The following GRIK1 variants were observed in gnomAD, a reference collection of about 807,000 sequenced individuals.
The protein encoded by GRIK1 is glutamate ionotropic receptor kainate type subunit 1.
Under a neutral mutation model 105.7 loss-of-function variants are expected in GRIK1, and 69 were observed. The observed-to-expected ratio is 0.65, with a 90% CI of 0.54 to 0.80. The LOEUF (loss-of-function observed/expected upper bound fraction) is 0.80. Among genes scored for constraint, GRIK1 ranks in the 30% least tolerant of loss-of-function variants. The pLI, the probability that GRIK1 is intolerant of heterozygous loss-of-function variation, is 0.00. For synonymous variants in GRIK1, 438 were observed against 431.3 expected, an observed-to-expected ratio of 1.02 and a Z score of -0.19; for missense variants, 1,109 against 1,167.3, an observed-to-expected ratio of 0.95 and a Z score of 0.73.
At chr21:29,894,699 C>G (rs1163468886) in intron 1 of GRIK1, among the ~76,000 whole-genome samples, 1 of 152,182 alleles carries the variant, frequency 6.6e-6, no homozygotes, top group Admixed American at 6.5e-5. Context: ...CACTGCTCAA[C>G]TATGTGCACT....
chr21:29,900,692 G>A (rs1220068278), intron 1 of GRIK1, among the ~76,000 whole-genome samples: 1 of 152,110 alleles, frequency 6.6e-6, no homozygotes, highest in Non-Finnish European at 1.5e-5. Flanking sequence ...AATAATGGGA[G>A]ACTTTAACAC....
At chr21:29,640,573 T>C (rs2062491519) in intron 7 of GRIK1, among the ~76,000 whole-genome samples, 1 of 152,228 alleles carries the variant, frequency 6.6e-6, no homozygotes, top group Admixed American at 6.5e-5. Context: ...CTTCTTATTT[T>C]CAGTGTGGTC....
chr21:29,921,546 A>G (rs1384780143), intron 1 of GRIK1, among the ~76,000 whole-genome samples: 1 of 152,232 alleles, frequency 6.6e-6, no homozygotes, highest in African/African-American at 2.4e-5. Context: ...AATTTCACTC[A>G]GGTTCCCTTC....
chr21:29,618,157 A>G (rs369556787), intron 7 of GRIK1, among the ~76,000 whole-genome samples: 34 of 152,248 alleles, frequency 2.2e-4, no homozygotes, highest in African/African-American at 7.9e-4. Flanking sequence ...CATTCTTCCT[A>G]GGGTTCCCAT....
chr21:29,537,255 G>C lies in GRIK1; in HGVS notation c.2825C>G (p.Thr942Ser). The C allele has an allele frequency of 6.2e-7, 1 of 1,608,766 alleles. No homozygotes were observed. Among genetic ancestry groups the C allele is most frequent in the South Asian group, 1.1e-5 (1 of 90,118 alleles). ...TSILTCHQRR[T>S]QRKETVA The stretch of plus-strand genomic sequence containing the variant: ...TCACGCCACAGTCTCTTTTCTCTGA[G>C]TTCGTCTCTGATGACAAGTAAGGAT... The change falls in exon 18 of 18, where the codon ACT becomes AGT. Residue 942 changes from threonine (T) to serine (S), a missense_variant. Coordinates refer to ENST00000327783, the MANE Select transcript of GRIK1 (RefSeq NM_001330994.2).
At chr21:29,716,281 G>C (rs2064175002) in intron 1 of GRIK1, among the ~76,000 whole-genome samples, 1 of 152,144 alleles carries the variant, frequency 6.6e-6, no homozygotes, top group African/African-American at 2.4e-5. Context: ...AACTTGTACT[G>C]GCACAGTGGG....
At chr21:29,801,753 G>A (rs1601732273) in intron 1 of GRIK1, among the ~76,000 whole-genome samples, 1 of 151,944 alleles carries the variant, frequency 6.6e-6, no homozygotes, top group Admixed American at 6.6e-5. Flanking sequence ...AAAAATTATT[G>A]GTTAAAGAAA....
chr21:29,848,779 A>ATATATATATTTTTTTT, intron 1 of GRIK1, among the ~76,000 whole-genome samples: 4 of 77,884 alleles, frequency 5.1e-5, no homozygotes, highest in Non-Finnish European at 6.7e-5. Flanking sequence ...ATATATATAT[A>ATATATATATTTTTTTT]TTTTTTTTTT....
chr21:29,936,091 T>C (rs1371642290), intron 1 of GRIK1, among the ~76,000 whole-genome samples: 1 of 152,172 alleles, frequency 6.6e-6, no homozygotes, highest in Non-Finnish European at 1.5e-5. Context: ...TAAGACTAAA[T>C]AACCCTCACT....
intron 1 of GRIK1, among the ~76,000 whole-genome samples, chr21:29,818,953 T>C (rs1416290191): frequency 1.3e-5 from 2 of 152,066 alleles, no homozygotes; most frequent in Admixed American, 1.3e-4. Context: ...GTAGAAAAGC[T>C]AGGTCTACTA....
chr21:29,920,085 G>GT (rs969195966), intron 1 of GRIK1, among the ~76,000 whole-genome samples: 2 of 152,020 alleles, frequency 1.3e-5, no homozygotes, highest in Non-Finnish European at 1.5e-5. Context: ...TATTTTGAAT[G>GT]TTTTTTTCCC....
intron 1 of GRIK1, among the ~76,000 whole-genome samples, chr21:29,734,020 A>AT (rs1286293675): frequency 1.3e-5 from 2 of 151,912 alleles, no homozygotes; most frequent in African/African-American, 2.4e-5. Flanking sequence ...GTGTAATTCA[A>AT]TTTTTTCATA....
At chr21:29,880,550 A>G (rs142822685) in intron 1 of GRIK1, among the ~76,000 whole-genome samples, 5 of 152,264 alleles carry the variant, frequency 3.3e-5, no homozygotes, top group East Asian at 3.9e-4. Flanking sequence ...CCAAACACTA[A>G]CTACATCTAA....
chr21:29,591,080 A>C (rs1456956994), intron 10 of GRIK1, 32 bp downstream of exon 10: 1 of 1,157,130 alleles, frequency 8.6e-7, no homozygotes, highest in Non-Finnish European at 1.3e-6. Context: ...GAGCCTGGAT[A>C]AGACACCCTC....
intron 1 of GRIK1, among the ~76,000 whole-genome samples, chr21:29,700,534 C>T (rs897418092): frequency 1.3e-5 from 2 of 152,084 alleles, no homozygotes; most frequent in African/African-American, 4.8e-5. Context: ...ATCAGAATGT[C>T]AAAGGGGTGG....
At chr21:29,638,610 A>G (rs1251066324) in intron 7 of GRIK1, among the ~76,000 whole-genome samples, 1 of 152,230 alleles carries the variant, frequency 6.6e-6, no homozygotes, top group Non-Finnish European at 1.5e-5. Context: ...TATGTCAAAG[A>G]AACATAAATA....
rs547080079 is a variant in GRIK1 at position 29,576,132 on chromosome 21, T to A, written c.2130+832A>T. ...ATTTAGCTTCTGAAGGTTTTGTTCT[T>A]TTCATAAGTAGAGTGAAGAGTTGAA... On this transcript the variant is annotated intron_variant, in intron 14 of 17. Coordinates refer to ENST00000327783, the MANE Select transcript of GRIK1 (RefSeq NM_001330994.2). 2.6e-5 allele frequency among the ~76,000 whole-genome samples: 4 copies of A among 152,302 alleles called. No individual in the cohort carries two copies. The South Asian group carries it at 8.3e-4, about 32-fold the overall frequency.
At position 29,694,419 on chromosome 21, in the gene GRIK1, C is replaced by T. The variant is rs552839687; in HGVS notation, c.119-356G>A. 9.9e-5 allele frequency among the ~76,000 whole-genome samples: 15 copies of T among 152,062 alleles called. No homozygotes were observed. In the South Asian group the frequency reaches 2.7e-3, roughly 27 times the overall value. ...GATTACAAGCATGAGCCACCACACCCGGCCAGTAAAAAGAAGAATGTACAT... is the reference window on the plus strand; with the variant it reads ...GATTACAAGCATGAGCCACCACACCTGGCCAGTAAAAAGAAGAATGTACAT... On this transcript the variant is annotated intron_variant, in intron 1 of 17. Transcript: ENST00000327783.
chr21:29,546,270 G>C (rs1014362056), intron 16 of GRIK1, among the ~76,000 whole-genome samples: 1 of 152,156 alleles, frequency 6.6e-6, no homozygotes. Context: ...ATTTTTGGCT[G>C]TTTTCCCTGC....
Sources: allele counts gnomAD v4.1 joint callset (sites outside exome capture counted in the v4.1 genomes callset), GRCh38; gene constraint gnomAD v4.1.1; transcripts MANE v1.5; gene names NCBI Gene and HGNC (gene_info 2026-07-23, HGNC 2026-07-21).